The following IGSF9B variants were observed in gnomAD, a reference collection of about 807,000 sequenced individuals.
IGSF9B encodes immunoglobulin superfamily member 9B.
Under a neutral mutation model 143.7 loss-of-function variants are expected in IGSF9B, and 48 were observed. The observed-to-expected ratio is 0.33, with a 90% CI of 0.26 to 0.42. The LOEUF (loss-of-function observed/expected upper bound fraction) is 0.42. IGSF9B is among the 20% of genes least tolerant of loss of function. The pLI is 1.00. For synonymous variants in IGSF9B, 903 were observed against 833.1 expected, an observed-to-expected ratio of 1.08 and a Z score of -1.44; for missense variants, 1,706 against 1,980.0, an observed-to-expected ratio of 0.86 and a Z score of 2.63.
Position 133,921,028 on chromosome 11 carries a change from T to C in IGSF9B, c.2697A>G (p.Pro899=), listed in dbSNP as rs991972624. Residue 899 remains proline, a synonymous_variant, in exon 18 of 20, where the codon CCA becomes CCG. Coordinates refer to ENST00000533871, the MANE Select transcript of IGSF9B (RefSeq NM_001277285.4). ...FRQSDEENED[P]LVPTSVAALK... ...GGGCGGCCACAGATGTGGGCACCAG[T>C]GGGTCCTCGTTCTCCTCGTCCGACT... The C allele has an allele frequency of 1.2e-6, 2 of 1,613,544 alleles. No homozygotes were observed. The highest frequency in any genetic ancestry group is 8.5e-7 in the Non-Finnish European group (1 of 1,179,622).
At chr11:133,955,217 C>G (rs909654431) in intron 1 of IGSF9B, among the ~76,000 whole-genome samples, 2 of 152,122 alleles carry the variant, frequency 1.3e-5, no homozygotes, top group Non-Finnish European at 2.9e-5. Context: ...TCAAGCGCAG[C>G]CCGATGCACC....
chr11:133,952,784 CAT>C (rs34560081), intron 1 of IGSF9B, among the ~76,000 whole-genome samples: 18,204 of 152,120 alleles, frequency 0.12, 1,255 homozygotes, highest in African/African-American at 0.17. Context: ...TGCGCACACA[CAT>C]GTGCACATGT....
intron 17 of IGSF9B, among the ~76,000 whole-genome samples, chr11:133,921,627 T>C (rs1939540467): frequency 1.3e-5 from 2 of 152,100 alleles, no homozygotes; most frequent in South Asian, 4.2e-4. Flanking sequence ...GGTCTTGAAC[T>C]CCTGGCCTCA....
chr11:133,941,179 G>T (rs890623139), intron 3 of IGSF9B, among the ~76,000 whole-genome samples: 3 of 152,208 alleles, frequency 2.0e-5, no homozygotes, highest in Admixed American at 2.0e-4. Context: ...GGAACTAGAT[G>T]TCAGCTTGCC....
Position 133,919,124 on chromosome 11 carries a change from G to GAC in IGSF9B, c.3983+617_3983+618insGT, listed in dbSNP as rs1555086509. The GAC allele has an allele frequency of 1.4e-5, 5 of 368,528 alleles. 2 individuals carry two copies. Among genetic ancestry groups the GAC allele is most frequent in the Non-Finnish European group, 2.8e-5 (5 of 181,020 alleles). The allele number at this position is 368,528 out of a possible 1,614,324, so 22.8% of individuals were successfully genotyped here. On this transcript the variant is annotated intron_variant, in intron 18 of 19. Coordinates refer to ENST00000533871, the MANE Select transcript of IGSF9B (RefSeq NM_001277285.4). ...CAGCTTCCTGCGAGGTATACGGGGGGGGGGTGGGGGACGTGTCCTGCACAT... is the reference window on the plus strand; with the variant it reads ...CAGCTTCCTGCGAGGTATACGGGGGGACGGGGTGGGGGACGTGTCCTGCACAT...
intron 1 of IGSF9B, among the ~76,000 whole-genome samples, chr11:133,947,246 C>T (rs1304387811): frequency 1.3e-5 from 2 of 152,216 alleles, no homozygotes; most frequent in Non-Finnish European, 2.9e-5. Flanking sequence ...GCATGCAGCC[C>T]TCCTCCCACG....
At position 133,953,154 on chromosome 11, in the gene IGSF9B, G is replaced by A. The variant is rs953957500; in HGVS notation, c.64+3537C>T. 6.6e-6 allele frequency among the ~76,000 whole-genome samples: 1 copy of A among 152,104 alleles called. No homozygotes were observed. Among genetic ancestry groups the A allele is most frequent in the Non-Finnish European group, 1.5e-5 (1 of 68,004 alleles). On this transcript the variant is annotated intron_variant, in intron 1 of 19. Coordinates refer to ENST00000533871, the MANE Select transcript of IGSF9B (RefSeq NM_001277285.4). The surrounding 1 kb of genome is among the most constrained non-coding windows in gnomAD (Gnocchi z 4.2). ...GAGTGAGGGCCAGAGTGATGCTGGG[G>A]CTCAGAATCTTCCAGCGAGGCAGCC...
At chr11:133,939,585 CA>C (rs1252280824) in intron 3 of IGSF9B, among the ~76,000 whole-genome samples, 2 of 152,250 alleles carry the variant, frequency 1.3e-5, no homozygotes, top group Non-Finnish European at 2.9e-5. Flanking sequence ...AGGCCGATAC[CA>C]AAACACTTCT....
rs755854805 is a variant in IGSF9B, at chr11:133,909,315, G to A, written c.4106-38C>T. 1.9e-4 allele frequency: 289 copies of A among 1,493,550 alleles called. 2 individuals are homozygous for A. The highest frequency in any genetic ancestry group is 7.0e-4 in the Middle Eastern group (4 of 5,734). The allele number at this position is 1,493,550 out of a possible 1,614,324, so 92.5% of individuals were successfully genotyped here. On this transcript the variant is annotated intron_variant, in intron 19 of 19. Coordinates refer to ENST00000533871, the MANE Select transcript of IGSF9B (RefSeq NM_001277285.4). The surrounding 1 kb of genome is among the most constrained non-coding windows in gnomAD (Gnocchi z 4.2). The stretch of plus-strand genomic sequence containing the variant: ...GAAGAGGGACGCAAAAGAGAAGCAA[G>A]CGGATGAAAAGGAAGCACGCAGCCT...
chr11:133,955,220 G>C (rs926408307), intron 1 of IGSF9B, among the ~76,000 whole-genome samples: 3 of 152,102 alleles, frequency 2.0e-5, no homozygotes, highest in South Asian at 2.1e-4. Flanking sequence ...AGCGCAGCCC[G>C]ATGCACCTCA....
In IGSF9B at chr11:133,953,563, C is replaced by T. The variant is rs1236960914; in HGVS notation, c.64+3128G>A. 6.6e-6 allele frequency among the ~76,000 whole-genome samples: 1 copy of T among 152,204 alleles called. No homozygotes were observed. The highest frequency in any genetic ancestry group is 2.4e-5 in the African/African-American group (1 of 41,462). ...TTCATTACCAAAAGGAAGCATAGGT[C>T]AAGGCCAGGTAGAAAGTAGAGGGCA... On this transcript the variant is annotated intron_variant, in intron 1 of 19. Transcript: ENST00000533871. This position sits in a 1 kb window ranked among gnomAD's most constrained non-coding sequence, Gnocchi z 4.2.
rs534186620 is a variant in IGSF9B at position 133,950,632 on chromosome 11, C to T, written c.65-4374G>A. 2.6e-5 allele frequency among the ~76,000 whole-genome samples: 4 copies of T among 152,220 alleles called. No individual in the cohort carries two copies. The East Asian group carries it at 7.7e-4, about 29-fold the overall frequency. The stretch of plus-strand genomic sequence containing the variant: ...CTTTCTTAGGGCCTGAGCCAGAGGT[C>T]GGCAACTCCAACCCCACACTGGGGA... On this transcript the variant is annotated intron_variant, in intron 1 of 19. Transcript: ENST00000533871.
chr11:133,911,079 G>C (rs1002299918), intron 19 of IGSF9B, among the ~76,000 whole-genome samples: 2 of 152,154 alleles, frequency 1.3e-5, no homozygotes, highest in Non-Finnish European at 2.9e-5. Flanking sequence ...TGTCTATAAA[G>C]AGAGTTACTC....
rs904065134 is a variant in IGSF9B at position 133,913,949 on chromosome 11, A to T, written c.3984-1942T>A. 2.6e-5 allele frequency among the ~76,000 whole-genome samples: 4 copies of T among 152,174 alleles called. No individual in the cohort carries two copies. The highest frequency in any genetic ancestry group is 5.9e-5 in the Non-Finnish European group (4 of 68,028). ...CGACGTGTGGTCAGGGAGGCGCATG[A>T]CCGGCAAGAAGAGTGCTCTCCAATG... On this transcript the variant is annotated intron_variant, in intron 18 of 19. Coordinates refer to ENST00000533871, the MANE Select transcript of IGSF9B (RefSeq NM_001277285.4). The surrounding 1 kb of genome is among the most constrained non-coding windows in gnomAD (Gnocchi z 4.6).
intron 16 of IGSF9B, 142 bp from the exon 17 acceptor site, chr11:133,922,364 C>T: frequency 1.1e-6 from 1 of 946,888 alleles, no homozygotes; most frequent in Non-Finnish European, 1.6e-6. Flanking sequence ...CCCCTGCCTT[C>T]ATGCTAGCTT....
In IGSF9B at chr11:133,920,061, C is replaced by T. The variant is rs756144830; in HGVS notation, c.3664G>A (p.Ala1222Thr). The T allele has an allele frequency of 1.3e-6, 2 of 1,545,740 alleles. No homozygotes were observed. The highest frequency in any genetic ancestry group is 1.7e-6 in the Non-Finnish European group (2 of 1,147,748). ...RTGSPELAAR[A>T]RPRPGLLQQA... Reference sequence around the variant, plus strand: ...TGCAGGAGGCCCGGGCGAGGCCGGGCACGGGCGGCGAGCTCAGGGGAGCCG... The same window carrying T: ...TGCAGGAGGCCCGGGCGAGGCCGGGTACGGGCGGCGAGCTCAGGGGAGCCG... The change falls in exon 18 of 20, where the codon GCC becomes ACC. Residue 1222 changes from alanine to threonine, a missense_variant. Ala to Thr is a moderately conservative substitution (Grantham distance 58). Around this residue, in one of 7 missense-constraint regions of IGSF9B, gnomAD observed 880 missense variants for 762.9 expected, o/e 1.15. Coordinates refer to ENST00000533871, the MANE Select transcript of IGSF9B (RefSeq NM_001277285.4).
chr11:133,930,301 C>T (rs1205645251), intron 11 of IGSF9B, among the ~76,000 whole-genome samples: 1 of 152,182 alleles, frequency 6.6e-6, no homozygotes, highest in Non-Finnish European at 1.5e-5. Context: ...ATTCGGGCCA[C>T]GGCAACCTCT....
chr11:133,916,844 G>A (rs1939392188), intron 18 of IGSF9B, among the ~76,000 whole-genome samples: 2 of 152,116 alleles, frequency 1.3e-5, no homozygotes. Flanking sequence ...GAGGGAGCTG[G>A]GGAAGGTGGA....
At position 133,897,721 on chromosome 11, in the gene IGSF9B, A is replaced by C. The variant is rs1939043508; in HGVS notation, c.*11348T>G. The C allele has an allele frequency of 6.6e-6, 1 of 152,200 alleles. No homozygotes were observed. Among genetic ancestry groups the C allele is most frequent in the East Asian group, 1.9e-4 (1 of 5,202 alleles). 9.4% of individuals were successfully genotyped at this position (152,200 alleles called of 1,614,324 possible). ...GAAGAAAAAAAAGCTTACTGAAAAA[A>C]TAGTGGTTTTATTTACTTTTGAGTT... On this transcript the variant is annotated 3_prime_UTR_variant, in exon 20 of 20. Coordinates refer to ENST00000533871, the MANE Select transcript of IGSF9B (RefSeq NM_001277285.4).
Sources: allele counts gnomAD v4.1 joint callset (sites outside exome capture counted in the v4.1 genomes callset), GRCh38; gene constraint gnomAD v4.1.1; regional missense constraint gnomAD v4.1.1; non-coding constraint Gnocchi (gnomAD v3.1); transcripts MANE v1.5; gene names NCBI Gene and HGNC (gene_info 2026-07-23, HGNC 2026-07-21).